The following PRRC2C variants were observed in gnomAD, a reference collection of about 807,000 sequenced individuals.
The protein encoded by PRRC2C is protein PRRC2C.
PRRC2C carries 72 observed loss-of-function variants against 317.2 expected under a neutral mutation model. That is an observed-to-expected ratio of 0.23 (90% CI 0.19 to 0.28). PRRC2C has a LOEUF of 0.28. Ranked by LOEUF, PRRC2C falls within the 10% of genes least tolerant of loss-of-function variation. The pLI is 1.00. For missense variants in PRRC2C, 3,074 were observed against 3,459.7 expected (o/e 0.89, Z 2.80); for synonymous variants, 1,296 against 1,205.9 (o/e 1.07, Z -1.55).
chr1:171,550,506 T>C (rs1358062625), intron 18 of PRRC2C, among the ~76,000 whole-genome samples: 2 of 151,168 alleles, frequency 1.3e-5, no homozygotes, highest in African/African-American at 4.9e-5. Flanking sequence ...CTAGGGTACA[T>C]GTGCACAACA....
At chr1:171,543,197 G>C (rs994259580) in intron 16 of PRRC2C, among the ~76,000 whole-genome samples, 3 of 150,784 alleles carry the variant, frequency 2.0e-5, no homozygotes, top group African/African-American at 7.3e-5. Flanking sequence ...GTGAAACCCC[G>C]TCCTCTACTA....
chr1:171,560,963 A>C, intron 19 of PRRC2C, 55 bp from the exon 20 acceptor site: 4 of 1,377,294 alleles, frequency 2.9e-6, no homozygotes, highest in Non-Finnish European at 3.1e-6. Flanking sequence ...TAAATGGGTT[A>C]GAGATTATTA....
At chr1:171,518,416 A>G (rs866079368) in intron 6 of PRRC2C, among the ~76,000 whole-genome samples, 1 of 144,014 alleles carries the variant, frequency 6.9e-6, no homozygotes, top group Non-Finnish European at 1.5e-5. Flanking sequence ...AAAATGATAA[A>G]GAACACTTGC....
At chr1:171,524,311 C>A (rs1557912507) in intron 9 of PRRC2C, among the ~76,000 whole-genome samples, 1 of 152,102 alleles carries the variant, frequency 6.6e-6, no homozygotes. Flanking sequence ...GGTTATATAT[C>A]ATAAAAGTTG....
intron 11 of PRRC2C, among the ~76,000 whole-genome samples, chr1:171,528,924 C>A (rs1675246301): frequency 6.6e-6 from 1 of 151,982 alleles, no homozygotes; most frequent in African/African-American, 2.4e-5. Context: ...GGTCCTCTCA[C>A]CTCCCCAGCA....
At chr1:171,585,805 G>A (rs1649751659) in intron 30 of PRRC2C, among the ~76,000 whole-genome samples, 1 of 152,052 alleles carries the variant, frequency 6.6e-6, no homozygotes, top group Non-Finnish European at 1.5e-5. Context: ...ATACGGTTGA[G>A]GGTTGAGTGT....
intron 30 of PRRC2C, among the ~76,000 whole-genome samples, chr1:171,586,057 G>A (rs1181883962): frequency 1.3e-5 from 1 of 75,496 alleles, no homozygotes; most frequent in Non-Finnish European, 2.7e-5. Flanking sequence ...AGGAGGTCAG[G>A]TGTTGATTTT....
At chr1:171,589,963 T>C (rs1651022378) in intron 34 of PRRC2C, among the ~76,000 whole-genome samples, 1 of 150,178 alleles carries the variant, frequency 6.7e-6, no homozygotes, top group African/African-American at 2.4e-5. Context: ...TCAATTATTA[T>C]AGACTTCCCC....
At chr1:171,547,895 C>T (rs1229195629) in intron 17 of PRRC2C, among the ~76,000 whole-genome samples, 6 of 152,086 alleles carry the variant, frequency 3.9e-5, no homozygotes, top group African/African-American at 1.2e-4. Flanking sequence ...TCAAGTGATC[C>T]GCCCACCTTG....
chr1:171,492,203 T>C (rs1221813315), intron 1 of PRRC2C, among the ~76,000 whole-genome samples: 1 of 152,188 alleles, frequency 6.6e-6, no homozygotes, highest in East Asian at 1.9e-4. Flanking sequence ...CTCCCAACTG[T>C]AGAACTAGAG....
Position 171,592,686 on chromosome 1 carries a change from C to T in PRRC2C, c.*839C>T, listed in dbSNP as rs1282216597. 1 of 152,074 alleles carries T rather than the reference C, an allele frequency of 6.6e-6. No homozygotes were observed. Among genetic ancestry groups the T allele is most frequent in the Non-Finnish European group, 1.5e-5 (1 of 68,008 alleles). 9.4% of individuals were successfully genotyped at this position (152,074 alleles called of 1,614,324 possible). On this transcript the variant is annotated 3_prime_UTR_variant, in exon 35 of 35. Coordinates refer to ENST00000647382, the MANE Select transcript of PRRC2C (RefSeq NM_001387844.1). ...CCCACTCAGTCATCTTTGTATGAAT[C>T]CCATGATTTGGGGGTTTTTTTCTTT...
Position 171,587,235 on chromosome 1 carries a change from C to T in PRRC2C, c.7968+14C>T, listed in dbSNP as rs1329728546. On this transcript the variant is annotated intron_variant, in intron 31 of 34. Transcript: ENST00000647382. ...ACCACAGGAAAAGTAAGTAAAGAGA[C>T]ATTTGCACAGGTTATTTGAGAATTT... 6.4e-7 allele frequency: 1 copy of T among 1,570,402 alleles called. No homozygotes were observed. The highest frequency in any genetic ancestry group is 8.7e-7 in the Non-Finnish European group (1 of 1,153,816).
At chr1:171,551,482 T>C (rs548487386) in intron 18 of PRRC2C, among the ~76,000 whole-genome samples, 1 of 152,340 alleles carries the variant, frequency 6.6e-6, no homozygotes, top group South Asian at 2.1e-4. Context: ...CCCTTTTGTC[T>C]GTTTTGGCTT....
chr1:171,501,688 T>C (rs1430041807), intron 1 of PRRC2C, among the ~76,000 whole-genome samples: 3 of 152,200 alleles, frequency 2.0e-5, no homozygotes, highest in African/African-American at 4.8e-5. Flanking sequence ...AAAAAAGCTT[T>C]TCAAAATTAA....
Position 171,557,762 on chromosome 1 carries a change from T to C in PRRC2C, c.5650T>C (p.Ser1884Pro), listed in dbSNP as rs1571995185. Residue 1884 changes from serine to proline, a missense_variant, in exon 19 of 35, where the codon TCC (serine) becomes CCC (proline). By Grantham distance (74) the Ser-to-Pro change is moderately conservative. Coordinates refer to ENST00000647382, the MANE Select transcript of PRRC2C (RefSeq NM_001387844.1). ...TCCAACGCCAGCCCCAGCAGCCTCT[T>C]CCCCAGCTGCCCCAGTCATCACAGC... Reference protein sequence around the residue: ...SAPTPAPAASSPAAPVITAPT... With the variant: ...SAPTPAPAASPPAAPVITAPT... The C allele has an allele frequency of 6.4e-7, 1 of 1,550,752 alleles. No individual in the cohort carries two copies. The highest frequency in any genetic ancestry group is 8.7e-7 in the Non-Finnish European group (1 of 1,146,566).
intron 28 of PRRC2C, among the ~76,000 whole-genome samples, chr1:171,580,427 T>G (rs1217594764): frequency 1.3e-5 from 2 of 152,176 alleles, no homozygotes; most frequent in Non-Finnish European, 2.9e-5. Flanking sequence ...TGCTGTGTAG[T>G]GAAGAAAGCA....
At chr1:171,514,746 A>G in intron 4 of PRRC2C, 101 bp downstream of exon 4, 9 of 1,022,818 alleles carry the variant, frequency 8.8e-6, no homozygotes, top group Non-Finnish European at 1.3e-5. Flanking sequence ...GCCATAAAGC[A>G]TTGTTAAAGG....
intron 25 of PRRC2C, among the ~76,000 whole-genome samples, chr1:171,576,599 GTTTAT>G (rs1392347682): frequency 6.6e-6 from 1 of 152,106 alleles, no homozygotes; most frequent in African/African-American, 2.4e-5. Flanking sequence ...TTATTAAGTA[GTTTAT>G]TTAATTTGTT....
intron 1 of PRRC2C, chr1:171,511,527 A>G (rs1311755499): frequency 6.6e-6 from 1 of 152,210 alleles, no homozygotes; most frequent in Non-Finnish European, 1.5e-5. Context: ...GAGATGTTTT[A>G]CCTTTTACGA....
Sources: gnomAD v4.1 joint callset for allele counts (sites outside exome capture counted in the v4.1 genomes callset) on GRCh38, gnomAD v4.1.1 for gene constraint, MANE v1.5 for transcripts, NCBI Gene and HGNC (gene_info 2026-07-23, HGNC 2026-07-21) for gene names.